SNX30: variants seen among roughly 807,000 people sequenced by gnomAD.
SNX30 encodes sorting nexin-30.
Under a neutral mutation model 46.4 loss-of-function variants are expected in SNX30, and 24 were observed. The observed-to-expected ratio is 0.52, with a 90% CI of 0.37 to 0.73. The LOEUF (loss-of-function observed/expected upper bound fraction) is 0.73, where lower values mean the gene tolerates loss of function less well. SNX30 is among the 30% of genes least tolerant of loss of function. SNX30 has a pLI of 0.00. For synonymous variants in SNX30, 189 were observed against 211.5 expected, an observed-to-expected ratio of 0.89 and a Z score of 0.92; for missense variants, 533 against 555.7, an observed-to-expected ratio of 0.96 and a Z score of 0.41.
chr9:112,864,972 C>T (rs181457080), intron 8 of SNX30, among the ~76,000 whole-genome samples: 84 of 118,608 alleles, frequency 7.1e-4, no homozygotes, highest in South Asian at 3.2e-4. Flanking sequence ...GGTTAAGCAG[C>T]GCACGCACAT....
At chr9:112,754,175 G>A (rs1254289922) in intron 1 of SNX30, among the ~76,000 whole-genome samples, 1 of 152,198 alleles carries the variant, frequency 6.6e-6, no homozygotes, top group Non-Finnish European at 1.5e-5. Flanking sequence ...GCCCAAGATG[G>A]TGCGATGAAC....
intron 5 of SNX30, among the ~76,000 whole-genome samples, chr9:112,838,035 C>T (rs557912565): frequency 1.1e-4 from 16 of 150,802 alleles, no homozygotes; most frequent in East Asian, 7.9e-4. Flanking sequence ...GGACTATAGG[C>T]GCCTGCCACC....
At chr9:112,837,152 C>G (rs1840769402) in intron 5 of SNX30, among the ~76,000 whole-genome samples, 1 of 152,172 alleles carries the variant, frequency 6.6e-6, no homozygotes, top group African/African-American at 2.4e-5. Flanking sequence ...GCAACAATGG[C>G]AAGACTCTTG....
At chr9:112,868,549 A>G (rs971994400) in intron 8 of SNX30, among the ~76,000 whole-genome samples, 1 of 152,224 alleles carries the variant, frequency 6.6e-6, no homozygotes, top group African/African-American at 2.4e-5. Flanking sequence ...GACTAACATG[A>G]ATGCATTTAA....
intron 1 of SNX30, among the ~76,000 whole-genome samples, chr9:112,788,910 C>T (rs1004534403): frequency 6.6e-6 from 1 of 152,184 alleles, no homozygotes; most frequent in African/African-American, 2.4e-5. Context: ...ATCCTCCCAC[C>T]TCAGCCTCCC....
intron 1 of SNX30, among the ~76,000 whole-genome samples, chr9:112,781,665 T>G (rs779609187): frequency 4.6e-5 from 7 of 152,194 alleles, no homozygotes; most frequent in Non-Finnish European, 7.3e-5. Flanking sequence ...AGATTCTTGC[T>G]CTGTTGCCCA....
At chr9:112,882,224 A>C (rs2131539998), downstream of SNX30, among the ~76,000 whole-genome samples, 1 of 152,288 alleles carries the variant, frequency 6.6e-6, no homozygotes, top group South Asian at 2.1e-4. Context: ...CTCGCACATC[A>C]GCCTCCCAAC....
At chr9:112,843,473 A>G (rs1422379039) in intron 6 of SNX30, among the ~76,000 whole-genome samples, 1 of 152,090 alleles carries the variant, frequency 6.6e-6, no homozygotes, top group East Asian at 1.9e-4. Flanking sequence ...GGAGCATTTT[A>G]GGCAGAGGGG....
intron 1 of SNX30, among the ~76,000 whole-genome samples, chr9:112,764,998 A>C (rs1157951382): frequency 6.6e-6 from 1 of 152,056 alleles, no homozygotes; most frequent in African/African-American, 2.4e-5. Context: ...GGTCAGGGAG[A>C]CCTGGCTTGG....
At chr9:112,836,780 A>G (rs983353928) in intron 5 of SNX30, among the ~76,000 whole-genome samples, 5 of 152,354 alleles carry the variant, frequency 3.3e-5, no homozygotes, top group East Asian at 3.9e-4. Flanking sequence ...TCTGGCAGAA[A>G]GATGGTTCAG....
At chr9:112,837,930 G>A (rs1588133685) in intron 5 of SNX30, among the ~76,000 whole-genome samples, 1 of 112,476 alleles carries the variant, frequency 8.9e-6, no homozygotes, top group Non-Finnish European at 1.7e-5. Context: ...TCGCTTTGTT[G>A]CCCAGGCTAG....
rs980541994 is a variant in SNX30 at position 112,754,437 on chromosome 9, G to A, written c.156+3280G>A. 5.3e-5 allele frequency among the ~76,000 whole-genome samples: 7 copies of A among 130,952 alleles called. 1 individual carries two copies. In the East Asian group the frequency reaches 1.7e-3, roughly 31 times the overall value. The allele number at this position is 130,952 out of a possible 152,430, so 85.9% of individuals were successfully genotyped here. ...TTTTTTTTTTTTTTTTTGAGATGGA[G>A]TCTCACTCTGTTGCCTAGGCTAGAG... On this transcript the variant is annotated intron_variant, in intron 1 of 8. Coordinates refer to ENST00000374232, the MANE Select transcript of SNX30 (RefSeq NM_001012994.2).
intron 6 of SNX30, among the ~76,000 whole-genome samples, chr9:112,843,100 G>A (rs1840884249): frequency 6.6e-6 from 1 of 152,140 alleles, no homozygotes; most frequent in Non-Finnish European, 1.5e-5. Context: ...TGCCTTTTGA[G>A]TATTAGCATT....
chr9:112,816,856 A>G (rs2131420105), intron 2 of SNX30, among the ~76,000 whole-genome samples: 1 of 152,328 alleles, frequency 6.6e-6, no homozygotes, highest in East Asian at 1.9e-4. Flanking sequence ...TATGTGAGAC[A>G]CGGTGTAATT....
At chr9:112,820,222 C>G (rs1840470603) in intron 3 of SNX30, among the ~76,000 whole-genome samples, 1 of 151,170 alleles carries the variant, frequency 6.6e-6, no homozygotes, top group African/African-American at 2.4e-5. Context: ...TAGAAACAAG[C>G]AGAAACTTAA....
exon 5 of SNX30, chr9:112,880,049 G>T: frequency 2.4e-6 from 1 of 424,526 alleles, no homozygotes; most frequent in Non-Finnish European, 4.3e-6. Context: ...AATCTCTGGG[G>T]GCCAGGCATG....
chr9:112,865,542 A>G (rs987707158), intron 8 of SNX30, among the ~76,000 whole-genome samples: 3 of 150,326 alleles, frequency 2.0e-5, no homozygotes, highest in African/African-American at 7.4e-5. Flanking sequence ...GGCTTGAGCC[A>G]GGAGTTCAAG....
At chr9:112,884,966 T>A (rs1400236976), downstream of SNX30, among the ~76,000 whole-genome samples, 1 of 152,154 alleles carries the variant, frequency 6.6e-6, no homozygotes, top group Non-Finnish European at 1.5e-5. Flanking sequence ...CACTGCATGG[T>A]AGCTAAAATC....
At chr9:112,819,161 A>G (rs1840451603) in intron 3 of SNX30, among the ~76,000 whole-genome samples, 1 of 152,128 alleles carries the variant, frequency 6.6e-6, no homozygotes, top group African/African-American at 2.4e-5. Context: ...TTAACATTTT[A>G]TATTAGTGTG....
Sources: allele counts gnomAD v4.1 joint callset (sites outside exome capture counted in the v4.1 genomes callset), GRCh38; gene constraint gnomAD v4.1.1; transcripts MANE v1.5; gene names NCBI Gene and HGNC (gene_info 2026-07-23, HGNC 2026-07-21).